Variants in LRP1B observed in about 807,000 individuals in gnomAD.
The protein encoded by LRP1B is low-density lipoprotein receptor-related protein 1B.
Under a neutral mutation model 556.6 loss-of-function variants are expected in LRP1B, and 217 were observed. The ratio of observed to expected loss-of-function variants is 0.39; its 90% CI spans 0.35 to 0.44. The LOEUF (loss-of-function observed/expected upper bound fraction) is 0.44. Among genes scored for constraint, LRP1B ranks in the 20% least tolerant of loss-of-function variants. The probability of loss-of-function intolerance (pLI) is 1.00; values close to 1 mark genes in which losing one functional copy is unlikely to be tolerated. For synonymous variants in LRP1B, 2,047 were observed against 1,865.8 expected, an observed-to-expected ratio of 1.10 and a Z score of -2.50; for missense variants, 5,053 against 5,620.8, an observed-to-expected ratio of 0.90 and a Z score of 3.23.
At chr2:140,907,475 G>A (rs2105230715) in intron 22 of LRP1B, among the ~76,000 whole-genome samples, 1 of 152,138 alleles carries the variant, frequency 6.6e-6, no homozygotes, top group South Asian at 2.1e-4. Flanking sequence ...AGTTTCTATT[G>A]TAATGATTAG....
chr2:141,855,699 A>T (rs572067153), intron 1 of LRP1B, among the ~76,000 whole-genome samples: 92 of 152,264 alleles, frequency 6.0e-4, no homozygotes, highest in African/African-American at 2.1e-3. Context: ...GAGGGGTTCA[A>T]GGCAAAACCA....
chr2:141,035,050 C>G (rs538632171), intron 11 of LRP1B, among the ~76,000 whole-genome samples: 9 of 152,124 alleles, frequency 5.9e-5, no homozygotes, highest in Admixed American at 5.9e-4. Flanking sequence ...AGTTCATGTC[C>G]TTTGTAGGGA....
At chr2:141,746,726 C>A (rs1693927629) in intron 2 of LRP1B, among the ~76,000 whole-genome samples, 1 of 152,046 alleles carries the variant, frequency 6.6e-6, no homozygotes, top group African/African-American at 2.4e-5. Context: ...GGCCATCTTG[C>A]TCCACCCCCA....
chr2:140,598,739 T>C lies in LRP1B; in HGVS notation c.7086A>G (p.Ile2362Met), dbSNP rs2105189067. Residue 2362 changes from isoleucine (I) to methionine (M), a missense_variant, in exon 43 of 91, where the codon ATA (isoleucine) becomes ATG (methionine). Coordinates refer to ENST00000389484, the MANE Select transcript of LRP1B (RefSeq NM_018557.3). ...KNAQVVVSTD[I>M]LTPNGLTIDY... ...CGATAGTAAGTCCATTTGGAGTGAG[T>C]ATGTCTGTACTGACCACCACTTGAG... 1 of 1,613,122 alleles carries C rather than the reference T, an allele frequency of 6.2e-7. No homozygotes were observed. Among genetic ancestry groups the C allele is most frequent in the South Asian group, 1.1e-5 (1 of 91,066 alleles).
intron 2 of LRP1B, among the ~76,000 whole-genome samples, chr2:141,576,031 A>C (rs1023019583): frequency 6.6e-6 from 1 of 152,164 alleles, no homozygotes; most frequent in African/African-American, 2.4e-5. Flanking sequence ...GACATTGTGG[A>C]AGGCAATTCC....
chr2:140,371,303 TTTGAAA>T lies in LRP1B; in HGVS notation c.10769-24_10769-19del, dbSNP rs1682982617. On this transcript the variant is annotated intron_variant, in intron 69 of 90. Coordinates refer to ENST00000389484, the MANE Select transcript of LRP1B (RefSeq NM_018557.3). ...AGGAGAAGCTGAATACAATTATAAATTTGAAATTGAGATAGAGTAAAAATAACAGGT... is the reference window on the plus strand; with the variant it reads ...AGGAGAAGCTGAATACAATTATAAATTTGAGATAGAGTAAAAATAACAGGT... The T allele has an allele frequency of 1.4e-6, 2 of 1,413,808 alleles. No homozygotes were observed. Among genetic ancestry groups the T allele is most frequent in the African/African-American group, 2.9e-5 (2 of 68,916 alleles). The allele number at this position is 1,413,808 out of a possible 1,614,324, so 87.6% of individuals were successfully genotyped here. A position where few individuals can be genotyped will look rare whatever the true frequency, so the allele number is the denominator to read the frequency against.
At chr2:141,908,517 T>C (rs899279615) in intron 1 of LRP1B, among the ~76,000 whole-genome samples, 1 of 152,048 alleles carries the variant, frequency 6.6e-6, no homozygotes, top group African/African-American at 2.4e-5. Context: ...CAATGTGCTG[T>C]GCTCATAGTA....
At chr2:141,233,162 C>G (rs1484521761) in intron 5 of LRP1B, among the ~76,000 whole-genome samples, 1 of 152,162 alleles carries the variant, frequency 6.6e-6, no homozygotes, top group Non-Finnish European at 1.5e-5. Flanking sequence ...TGACTTCAGT[C>G]AAAGGGATAC....
chr2:140,432,388 A>G (rs1685988884), intron 66 of LRP1B, among the ~76,000 whole-genome samples: 1 of 152,212 alleles, frequency 6.6e-6, no homozygotes, highest in Non-Finnish European at 1.5e-5. Context: ...TGGTCTCTTC[A>G]CACAACGAAC....
At chr2:141,532,419 A>G (rs1437329855) in intron 2 of LRP1B, among the ~76,000 whole-genome samples, 1 of 152,012 alleles carries the variant, frequency 6.6e-6, no homozygotes, top group Non-Finnish European at 1.5e-5. Context: ...ATCAAGAACT[A>G]TCTACACGTT....
intron 29 of LRP1B, among the ~76,000 whole-genome samples, chr2:140,845,639 G>A (rs1692252914): frequency 6.6e-6 from 1 of 151,914 alleles, no homozygotes; most frequent in Non-Finnish European, 1.5e-5. Flanking sequence ...ATATCTTAAT[G>A]GAATAAATGA....
intron 41 of LRP1B, 26 bp downstream of exon 41, chr2:140,700,224 A>G: frequency 7.0e-6 from 11 of 1,579,842 alleles, no homozygotes; most frequent in Middle Eastern, 2.1e-4. Flanking sequence ...ATTTCCACCT[A>G]TTTAAAATTG....
chr2:141,424,396 G>A (rs1390954218), intron 3 of LRP1B, among the ~76,000 whole-genome samples: 1 of 152,152 alleles, frequency 6.6e-6, no homozygotes, highest in African/African-American at 2.4e-5. Flanking sequence ...ACAGGCATGA[G>A]CCACCGCACC....
chr2:141,055,008 C>T, intron 10 of LRP1B, 108 bp downstream of exon 10: 1 of 1,229,396 alleles, frequency 8.1e-7, no homozygotes, highest in Non-Finnish European at 1.1e-6. Flanking sequence ...AGGCAAACTT[C>T]ACCTGTTGAA....
chr2:141,164,245 T>C (rs1159985006), intron 7 of LRP1B, among the ~76,000 whole-genome samples: 1 of 152,018 alleles, frequency 6.6e-6, no homozygotes, highest in African/African-American at 2.4e-5. Context: ...CTGTGGAATT[T>C]TTTTTTCTTA....
intron 1 of LRP1B, among the ~76,000 whole-genome samples, chr2:142,018,236 G>A (rs1441947620): frequency 6.6e-6 from 1 of 152,022 alleles, no homozygotes; most frequent in Non-Finnish European, 1.5e-5. Context: ...TTCTTAAGTT[G>A]CAGTTGATAT....
At chr2:141,125,219 T>C (rs537807964) in intron 7 of LRP1B, among the ~76,000 whole-genome samples, 1 of 152,324 alleles carries the variant, frequency 6.6e-6, no homozygotes, top group South Asian at 2.1e-4. Context: ...AAAAACCTTC[T>C]GCAATTTATA....
At chr2:141,179,443 T>C (rs1680895460) in intron 7 of LRP1B, among the ~76,000 whole-genome samples, 1 of 152,104 alleles carries the variant, frequency 6.6e-6, no homozygotes, top group Admixed American at 6.6e-5. Flanking sequence ...ACCATGGCTA[T>C]ATTCAATCAT....
At chr2:141,604,847 C>T (rs1334669841) in intron 2 of LRP1B, among the ~76,000 whole-genome samples, 1 of 152,044 alleles carries the variant, frequency 6.6e-6, no homozygotes, top group Non-Finnish European at 1.5e-5. Flanking sequence ...TCCTCCTCAG[C>T]CTTCAATTGT....
Sources: allele counts gnomAD v4.1 joint callset (sites outside exome capture counted in the v4.1 genomes callset), GRCh38; gene constraint gnomAD v4.1.1; transcripts MANE v1.5; gene names NCBI Gene and HGNC (gene_info 2026-07-23, HGNC 2026-07-21).